Variants in UMAD1 observed in about 807,000 individuals in gnomAD.
UMAD1 encodes UBAP1-MVB12-associated (UMA)-domain containing protein 1.
In UMAD1, 8 loss-of-function variants were observed where a neutral mutation model predicts 6.1. That is an observed-to-expected ratio of 1.30 (90% CI 0.76 to 2.35). The LOEUF is 2.35. UMAD1 is among the 30% of genes most tolerant of loss of function. UMAD1 has a pLI of 0.00. For missense variants in UMAD1, 130 were observed against 78.4 expected (o/e 1.66, Z -2.49); for synonymous variants, 56 against 31.4 (o/e 1.78, Z -2.61).
intron 1 of UMAD1, among the ~76,000 whole-genome samples, chr7:7,665,101 A>G (rs1238601841): frequency 1.3e-5 from 2 of 152,172 alleles, no homozygotes; most frequent in Non-Finnish European, 2.9e-5. Flanking sequence ...ATTTTAGTCT[A>G]TTTGATATAT....
At chr7:7,757,425 C>T (rs988978270) in intron 2 of UMAD1, among the ~76,000 whole-genome samples, 1 of 152,136 alleles carries the variant, frequency 6.6e-6, no homozygotes, top group Non-Finnish European at 1.5e-5. Context: ...ACCATGTGAA[C>T]GTAGTACAGG....
At chr7:7,798,145 A>G (rs1327957465) in intron 2 of UMAD1, among the ~76,000 whole-genome samples, 1 of 152,216 alleles carries the variant, frequency 6.6e-6, no homozygotes. Context: ...TGTGACTACA[A>G]TGGTAGAGTT....
Position 7,870,010 on chromosome 7 carries a change from C to A in UMAD1, c.157-7271C>A, listed in dbSNP as rs61398953. 3.7e-3 allele frequency among the ~76,000 whole-genome samples: 562 copies of A among 152,244 alleles called. 1 individual carries two copies. The highest frequency in any genetic ancestry group is 0.012 in the African/African-American group (504 of 41,528). ...GAACCTCATGAATTTTTACACCCCT[C>A]TGCAAGAAAGGGAGGAACAGTGCCT... is the stretch of plus-strand genomic sequence containing the variant. On this transcript the variant is annotated intron_variant, in intron 3 of 3. Transcript: ENST00000682710.
intron 3 of UMAD1, among the ~76,000 whole-genome samples, chr7:7,828,701 T>C (rs1156565037): frequency 6.6e-6 from 1 of 152,038 alleles, no homozygotes; most frequent in Non-Finnish European, 1.5e-5. Flanking sequence ...TTTTTCCTTC[T>C]CCTTTTTGCC....
At chr7:7,755,452 T>C (rs1781759747) in intron 2 of UMAD1, among the ~76,000 whole-genome samples, 1 of 152,256 alleles carries the variant, frequency 6.6e-6, no homozygotes, top group Non-Finnish European at 1.5e-5. Flanking sequence ...ATTTGTTGCC[T>C]CTTTCTTGCT....
intron 2 of UMAD1, among the ~76,000 whole-genome samples, chr7:7,726,272 C>G (rs1193135858): frequency 1.3e-5 from 2 of 152,202 alleles, no homozygotes; most frequent in Non-Finnish European, 2.9e-5. Context: ...TCATGGAATA[C>G]CTTATCCACC....
At chr7:7,832,934 G>C (rs938445953) in intron 3 of UMAD1, among the ~76,000 whole-genome samples, 5 of 152,144 alleles carry the variant, frequency 3.3e-5, no homozygotes, top group African/African-American at 9.7e-5. Context: ...AGACAGGGGG[G>C]AACGTTTGAT....
chr7:7,805,567 A>G (rs989865912), intron 3 of UMAD1, among the ~76,000 whole-genome samples: 14 of 151,806 alleles, frequency 9.2e-5, no homozygotes, highest in African/African-American at 3.4e-4. Flanking sequence ...AGATCACATC[A>G]CTCCTTGGCT....
chr7:7,818,174 C>G (rs867062626), intron 3 of UMAD1, among the ~76,000 whole-genome samples: 3 of 152,092 alleles, frequency 2.0e-5, no homozygotes, highest in African/African-American at 7.2e-5. Flanking sequence ...CAGTTGTTCC[C>G]CTCTATGTGT....
chr7:7,699,777 C>T (rs1009707313), intron 2 of UMAD1, among the ~76,000 whole-genome samples: 5 of 152,170 alleles, frequency 3.3e-5, no homozygotes, highest in Admixed American at 1.3e-4. Context: ...ATGCCTTACA[C>T]ATATTAAGTT....
intron 1 of UMAD1, among the ~76,000 whole-genome samples, chr7:7,642,262 G>A (rs1231647573): frequency 7.8e-6 from 1 of 128,234 alleles, no homozygotes. Context: ...AGCCTGCCAA[G>A]TAGCTGGGAC....
At chr7:7,850,752 A>G (rs1368481798) in intron 3 of UMAD1, among the ~76,000 whole-genome samples, 2 of 152,062 alleles carry the variant, frequency 1.3e-5, no homozygotes, top group Non-Finnish European at 2.9e-5. Flanking sequence ...ATTAATTCAT[A>G]TATCTGAGGA....
intron 2 of UMAD1, among the ~76,000 whole-genome samples, chr7:7,719,509 C>A (rs1287862567): frequency 1.3e-5 from 2 of 152,096 alleles, no homozygotes; most frequent in South Asian, 4.1e-4. Context: ...GGTGATGATG[C>A]AATCTGATTA....
chr7:7,789,189 AGT>A (rs1330901904), intron 2 of UMAD1, among the ~76,000 whole-genome samples: 1 of 152,220 alleles, frequency 6.6e-6, no homozygotes, highest in East Asian at 1.9e-4. Context: ...TGCAAGGCAT[AGT>A]AGCTGGGCAG....
intron 2 of UMAD1, among the ~76,000 whole-genome samples, chr7:7,693,325 A>ATCTATCTG (rs1403561189): frequency 2.0e-5 from 3 of 151,932 alleles, no homozygotes; most frequent in Non-Finnish European, 4.4e-5. Context: ...CTATCTATCT[A>ATCTATCTG]TCTATCTATC....
chr7:7,824,588 A>T (rs970886933), intron 3 of UMAD1, among the ~76,000 whole-genome samples: 9 of 152,172 alleles, frequency 5.9e-5, no homozygotes, highest in African/African-American at 2.2e-4. Flanking sequence ...TTTTGTATCC[A>T]CTTGTGGTAC....
intron 3 of UMAD1, among the ~76,000 whole-genome samples, chr7:7,867,864 T>C (rs1250305403): frequency 6.6e-6 from 1 of 152,178 alleles, no homozygotes; most frequent in Non-Finnish European, 1.5e-5. Context: ...GATGAAGCCA[T>C]GTCCTTGAAG....
intron 2 of UMAD1, among the ~76,000 whole-genome samples, chr7:7,779,472 T>C (rs1019679543): frequency 1.3e-5 from 2 of 152,078 alleles, no homozygotes; most frequent in East Asian, 3.9e-4. Flanking sequence ...AGTCTCACTA[T>C]GTTCCCCAGT....
intron 1 of UMAD1, among the ~76,000 whole-genome samples, chr7:7,645,973 G>T (rs1213021013): frequency 6.6e-6 from 1 of 152,078 alleles, no homozygotes; most frequent in Non-Finnish European, 1.5e-5. Context: ...TCGTTTGCTC[G>T]GCTGCCGTGT....
Sources: allele counts gnomAD v4.1 joint callset (sites outside exome capture counted in the v4.1 genomes callset), GRCh38; gene constraint gnomAD v4.1.1; transcripts MANE v1.5; gene names NCBI Gene and HGNC (gene_info 2026-07-23, HGNC 2026-07-21).